Variants in EXOC6 observed in about 807,000 individuals in gnomAD.
EXOC6 encodes the protein SEC15-like 1.
Under a neutral mutation model 112.5 loss-of-function variants are expected in EXOC6, and 60 were observed. That is an observed-to-expected ratio of 0.53 (90% CI 0.43 to 0.66). The LOEUF (loss-of-function observed/expected upper bound fraction) is 0.66, where lower values mean the gene tolerates loss of function less well. EXOC6 is among the 30% of genes least tolerant of loss of function. The pLI, the probability that EXOC6 is intolerant of heterozygous loss-of-function variation, is 0.00. For missense variants in EXOC6, 855 were observed against 957.1 expected, an observed-to-expected ratio of 0.89 and a Z score of 1.41; for synonymous variants, 295 against 308.0, an observed-to-expected ratio of 0.96 and a Z score of 0.44.
intron 20 of EXOC6, among the ~76,000 whole-genome samples, chr10:93,056,474 A>G (rs1321427656): frequency 6.6e-6 from 1 of 152,210 alleles, no homozygotes; most frequent in Admixed American, 6.5e-5. Flanking sequence ...AAAAAGTCTT[A>G]GGTGCAAACA....
chr10:93,020,541 A>G (rs1490677540), intron 20 of EXOC6, among the ~76,000 whole-genome samples: 2 of 152,122 alleles, frequency 1.3e-5, no homozygotes, highest in Non-Finnish European at 2.9e-5. Context: ...TATTAAAAAT[A>G]TGTTTGCCTA....
At chr10:92,919,783 C>A (rs1851322453) in intron 7 of EXOC6, among the ~76,000 whole-genome samples, 199 bp from the exon 8 acceptor site, 1 of 152,068 alleles carries the variant, frequency 6.6e-6, no homozygotes, top group Non-Finnish European at 1.5e-5. Context: ...AAACATACTA[C>A]AAAGAATAAA....
rs1056188613 is a variant in EXOC6 at position 92,858,030 on chromosome 10, T to TCCC, written c.101+9398_101+9399insCCC. On this transcript the variant is annotated intron_variant, in intron 1 of 21. Transcript: ENST00000260762. ...ATTTTTAGTTGACGGGTTCCCCCCC[T>TCCC]CCGCCGGCCAGCAGTTTGAATATGT... 5.8e-5 allele frequency among the ~76,000 whole-genome samples: 7 copies of TCCC among 120,452 alleles called. 2 individuals carry two copies. The East Asian group carries it at 1.9e-3, about 32-fold the overall frequency. 79.0% of individuals were successfully genotyped at this position (120,452 alleles called of 152,430 possible). A position where few individuals can be genotyped will look rare whatever the true frequency, so the allele number is the denominator to read the frequency against.
intron 9 of EXOC6, among the ~76,000 whole-genome samples, chr10:92,932,782 A>G (rs1464236098): frequency 6.6e-6 from 1 of 152,202 alleles, no homozygotes; most frequent in Non-Finnish European, 1.5e-5. Context: ...ATCTAAAATG[A>G]CTGTAGGAAA....
At chr10:92,990,218 T>G (rs1183413634) in intron 18 of EXOC6, among the ~76,000 whole-genome samples, 1 of 152,204 alleles carries the variant, frequency 6.6e-6, no homozygotes, top group African/African-American at 2.4e-5. Context: ...TAGTTGAAAA[T>G]GAACATATTT....
chr10:92,895,066 G>T (rs989020724), intron 4 of EXOC6, 46 bp downstream of exon 4: 2 of 1,146,732 alleles, frequency 1.7e-6, no homozygotes, highest in African/African-American at 1.5e-5. Context: ...TGGTAAAGTT[G>T]TAATTTAATA....
upstream of EXOC6, among the ~76,000 whole-genome samples, chr10:92,832,287 T>G (rs1846511063): frequency 6.6e-6 from 1 of 152,028 alleles, no homozygotes; most frequent in South Asian, 2.1e-4. Flanking sequence ...TGTATACTCT[T>G]TTTTTTTGAG....
intron 6 of EXOC6, among the ~76,000 whole-genome samples, chr10:92,911,943 G>GTT (rs1850802677): frequency 2.1e-5 from 1 of 48,310 alleles, no homozygotes; most frequent in African/African-American, 6.8e-5. Flanking sequence ...GTGTGCGTGT[G>GTT]TGTGTGTGTG....
chr10:93,042,928 ATTATTATTATTATT>A (rs1845847172), intron 20 of EXOC6, among the ~76,000 whole-genome samples: 2 of 97,690 alleles, frequency 2.0e-5, no homozygotes, highest in Admixed American at 1.0e-4. Context: ...ATATTTTACT[ATTATTATTATTATT>A]ATTATTATTA....
In EXOC6 at chr10:93,040,429, A is replaced by G. The variant is rs569955707; in HGVS notation, c.2170-16495A>G. Among the ~76,000 whole-genome samples the G allele has an allele frequency of 8.5e-5, 13 of 152,100 alleles. No individual in the cohort carries two copies. In the South Asian group the frequency reaches 2.7e-3, roughly 32 times the overall value. On this transcript the variant is annotated intron_variant, in intron 20 of 21. Transcript: ENST00000260762. ...ACCCTGGCTAATTTTTTGTATTTTT[A>G]GTAGAGGCGGGGTTTCACTGTGTTA...
intron 13 of EXOC6, among the ~76,000 whole-genome samples, chr10:92,947,950 C>T (rs1414092957): frequency 6.6e-6 from 1 of 152,006 alleles, no homozygotes; most frequent in Non-Finnish European, 1.5e-5. Flanking sequence ...CTTTCCATTA[C>T]GTGGATCCTT....
chr10:92,975,953 G>A (rs1198847208), intron 18 of EXOC6, among the ~76,000 whole-genome samples: 3 of 142,140 alleles, frequency 2.1e-5, no homozygotes, highest in East Asian at 2.2e-4. Context: ...CAGCCGCCCC[G>A]TCCGGTAGGT....
chr10:92,858,462 T>C (rs1847732858), intron 1 of EXOC6, among the ~76,000 whole-genome samples: 1 of 152,154 alleles, frequency 6.6e-6, no homozygotes. Context: ...TCTCTCTTGT[T>C]CTCTGATTGC....
At chr10:92,871,713 A>G (rs191404058) in intron 1 of EXOC6, among the ~76,000 whole-genome samples, 89 of 152,028 alleles carry the variant, frequency 5.9e-4, no homozygotes, top group Middle Eastern at 3.4e-3. Context: ...AGGCTGAGGC[A>G]GGAGAATCGG....
At position 92,915,788 on chromosome 10, in the gene EXOC6, C is replaced by A; in HGVS notation, c.694C>A (p.Leu232Met). ...AQHQKTFSVS[L>M]QKQNKMKFGK... is the part of the protein sequence containing the mutation. ...GCATCAGAAAACCTTCAGTGTTTCT[C>A]TGCAGAAACAAAATAAAATGAAATT... Residue 232 changes from leucine to methionine, a missense_variant, in exon 7 of 22, where the codon CTG (leucine) becomes ATG (methionine). By Grantham distance (15) the Leu-to-Met change is conservative. Coordinates refer to ENST00000260762, the MANE Select transcript of EXOC6 (RefSeq NM_019053.6). The A allele has an allele frequency of 1.3e-6, 2 of 1,537,760 alleles. No homozygotes were observed. The highest frequency in any genetic ancestry group is 1.4e-5 in the African/African-American group (1 of 69,490).
At chr10:92,952,511 G>A in intron 15 of EXOC6, 129 bp downstream of exon 15, 1 of 665,540 alleles carries the variant, frequency 1.5e-6, no homozygotes, top group South Asian at 1.8e-5. Flanking sequence ...TTGTTATAGG[G>A]GCATATTGTG....
intron 4 of EXOC6, among the ~76,000 whole-genome samples, chr10:92,897,935 A>T (rs1849919791): frequency 6.6e-6 from 1 of 152,176 alleles, no homozygotes; most frequent in Non-Finnish European, 1.5e-5. Flanking sequence ...ACTTGGGCAC[A>T]TGTTTTCAGG....
chr10:93,000,934 C>T (rs528164403), intron 19 of EXOC6, among the ~76,000 whole-genome samples: 9 of 152,202 alleles, frequency 5.9e-5, no homozygotes, highest in African/African-American at 2.2e-4. Context: ...TTAGCTTTCT[C>T]TAATAAATAT....
intron 5 of EXOC6, chr10:92,900,255 C>T (rs1391021802): frequency 1.3e-5 from 2 of 151,580 alleles, no homozygotes; most frequent in Non-Finnish European, 2.9e-5. Flanking sequence ...ATAGGGAGAC[C>T]TCATTTCACC....
Sources: allele counts gnomAD v4.1 joint callset (sites outside exome capture counted in the v4.1 genomes callset), GRCh38; gene constraint gnomAD v4.1.1; transcripts MANE v1.5; gene names NCBI Gene and HGNC (gene_info 2026-07-23, HGNC 2026-07-21).